The following TCF25 variants were observed in gnomAD, a reference collection of about 807,000 sequenced individuals.
The protein encoded by TCF25 is ribosome quality control complex subunit TCF25.
In TCF25, 41 loss-of-function variants were observed where a neutral mutation model predicts 83.1. That is an observed-to-expected ratio of 0.49 (90% CI 0.38 to 0.64). TCF25 has a LOEUF of 0.64. Among genes scored for constraint, TCF25 ranks in the 30% least tolerant of loss-of-function variants. The pLI is 0.00. For missense variants in TCF25, 979 were observed against 914.5 expected (o/e 1.07, Z -0.91); for synonymous variants, 458 against 365.0 (o/e 1.25, Z -2.90).
chr16:89,909,336 C>A, intron 16 of TCF25: 1 of 367,248 alleles, frequency 2.7e-6, no homozygotes, highest in Non-Finnish European at 5.1e-6. Flanking sequence ...GTGCTGAAAA[C>A]CCGTCTCTAC....
At chr16:89,874,077 CTG>C (rs1388191859) in intron 1 of TCF25, among the ~76,000 whole-genome samples, 2 of 128,342 alleles carry the variant, frequency 1.6e-5, no homozygotes, top group Non-Finnish European at 3.2e-5. Context: ...CGGAGTTAGA[CTG>C]GGTTCTAACC....
At chr16:89,908,459 C>T (rs1339524078) in intron 16 of TCF25, among the ~76,000 whole-genome samples, 1 of 149,534 alleles carries the variant, frequency 6.7e-6, no homozygotes, top group Non-Finnish European at 1.5e-5. Context: ...CAGTTCCCAC[C>T]TCCCAGTTCC....
rs538335356 is a variant in TCF25 at position 89,883,515 on chromosome 16, G to T, written c.354+3G>T. 3.6e-5 allele frequency: 58 copies of T among 1,595,770 alleles called. No homozygotes were observed. The Admixed American group carries it at 6.9e-4, about 19-fold the overall frequency. The stretch of plus-strand genomic sequence containing the variant: ...CCGAGACAGTGCCCTCAGAGCAGGT[G>T]GGGGGCTGAGTGGTGAGGAGGTGGC... On this transcript the variant is annotated splice_donor_region_variant and intron_variant, in intron 2 of 17. Coordinates refer to ENST00000263346, the MANE Select transcript of TCF25 (RefSeq NM_014972.3).
chr16:89,892,650 G>A (rs529825203), intron 6 of TCF25, among the ~76,000 whole-genome samples: 44 of 152,214 alleles, frequency 2.9e-4, no homozygotes, highest in Non-Finnish European at 5.0e-4. Flanking sequence ...GGAAGCAATC[G>A]AGTTCATTTT....
At chr16:89,902,543 G>T (rs2044420772) in intron 12 of TCF25, among the ~76,000 whole-genome samples, 1 of 147,156 alleles carries the variant, frequency 6.8e-6, no homozygotes, top group African/African-American at 2.5e-5. Context: ...CAAAAAATTA[G>T]CCGGGCGTGT....
intron 1 of TCF25, among the ~76,000 whole-genome samples, chr16:89,874,283 G>A (rs1325843004): frequency 2.0e-5 from 3 of 151,950 alleles, no homozygotes; most frequent in Admixed American, 6.6e-5. Context: ...TGGCTGTCGT[G>A]GGGCCGTGAC....
At chr16:89,883,239 C>T in intron 1 of TCF25, 112 bp from the exon 2 acceptor site, 1 of 1,442,180 alleles carries the variant, frequency 6.9e-7, no homozygotes, top group Non-Finnish European at 9.4e-7. Flanking sequence ...GCGTCTCGCA[C>T]TGACCCTGGG....
At position 89,885,623 on chromosome 16, in the gene TCF25, C is replaced by G. The variant is rs75685807; in HGVS notation, c.430-225C>G. On this transcript the variant is annotated intron_variant, in intron 3 of 17. Coordinates refer to ENST00000263346, the MANE Select transcript of TCF25 (RefSeq NM_014972.3). ...TGTGATGTGGAATGCCCAGTTTTTT[C>G]TAGGGTCCTTCTGGTTCTGTGATTC... Among the ~76,000 whole-genome samples the G allele has an allele frequency of 2.1e-3, 313 of 152,292 alleles. 2 individuals carry two copies. The highest frequency in any genetic ancestry group is 7.1e-3 in the African/African-American group (296 of 41,572).
At chr16:89,876,758 C>G (rs915780747) in intron 1 of TCF25, among the ~76,000 whole-genome samples, 3 of 152,036 alleles carry the variant, frequency 2.0e-5, no homozygotes, top group Non-Finnish European at 4.4e-5. Context: ...AACCCCGCCT[C>G]TACTAAAGAA....
At chr16:89,911,010 C>A in intron 17 of TCF25, 70 bp from the exon 18 acceptor site, 1 of 1,589,792 alleles carries the variant, frequency 6.3e-7, no homozygotes, top group Non-Finnish European at 8.6e-7. Flanking sequence ...CACAGTGCCT[C>A]CTGCTTGGGC....
At position 89,900,820 on chromosome 16, in the gene TCF25, G is replaced by C. The variant is rs1176489488; in HGVS notation, c.1381+26G>C. 4 of 1,541,126 alleles carry C rather than the reference G, an allele frequency of 2.6e-6. No individual in the cohort carries two copies. The African/African-American group carries it at 5.4e-5, about 21-fold the overall frequency. ...GTGAGTGAGCGCTGTGTCTCGCCTG[G>C]GGTAGGGGTGTGTCCTGTCAGCCGT... On this transcript the variant is annotated intron_variant, in intron 12 of 17. Transcript: ENST00000263346.
intron 4 of TCF25, among the ~76,000 whole-genome samples, chr16:89,886,432 A>AAAT (rs952250925): frequency 3.3e-5 from 5 of 149,732 alleles, no homozygotes; most frequent in Admixed American, 2.7e-4. Flanking sequence ...TGTCTCAAAA[A>AAAT]AATAATAATA....
intron 1 of TCF25, chr16:89,874,525 C>T (rs1214246898): frequency 1.3e-5 from 2 of 152,716 alleles, no homozygotes; most frequent in Non-Finnish European, 2.9e-5. Flanking sequence ...AACCCAGGGC[C>T]TTGCTCTTCG....
chr16:89,910,186 ACC>A (rs2045434564), intron 16 of TCF25: 2 of 206,802 alleles, frequency 9.7e-6, no homozygotes, highest in Admixed American at 1.1e-4. Flanking sequence ...AGCCCTTCGC[ACC>A]GTGAGGGTCT....
At chr16:89,884,080 C>T (rs1209937475) in intron 2 of TCF25, 1 of 167,338 alleles carries the variant, frequency 6.0e-6, no homozygotes, top group Non-Finnish European at 1.3e-5. Flanking sequence ...GTGCCTTTGC[C>T]CCCCAGGAGC....
At chr16:89,905,865 G>C (rs1279732037) in intron 14 of TCF25, among the ~76,000 whole-genome samples, 1 of 152,226 alleles carries the variant, frequency 6.6e-6, no homozygotes, top group Admixed American at 6.5e-5. Flanking sequence ...AGTGACGATG[G>C]TGACACACCC....
intron 1 of TCF25, 46 bp downstream of exon 1, chr16:89,873,905 T>C (rs1340148243): frequency 1.4e-6 from 2 of 1,438,974 alleles, no homozygotes; most frequent in Non-Finnish European, 1.8e-6. Context: ...GCCCTTGACG[T>C]TGTGGGGCGG....
chr16:89,875,520 T>G (rs1173188444), intron 1 of TCF25, among the ~76,000 whole-genome samples: 2 of 130,824 alleles, frequency 1.5e-5, no homozygotes, highest in African/African-American at 2.9e-5. Context: ...TGAGTTTTTT[T>G]TTTTTTTTTT....
chr16:89,906,317 G>A (rs1447737175), intron 15 of TCF25, 33 bp downstream of exon 15: 1 of 1,603,926 alleles, frequency 6.2e-7, no homozygotes, highest in African/African-American at 1.3e-5. Context: ...GGAGCTCTGT[G>A]TAAGCCGGTC....
Sources: gnomAD v4.1 joint callset for allele counts (sites outside exome capture counted in the v4.1 genomes callset) on GRCh38, gnomAD v4.1.1 for gene constraint, MANE v1.5 for transcripts, NCBI Gene and HGNC (gene_info 2026-07-23, HGNC 2026-07-21) for gene names.